Variants in LAMA3 observed in about 807,000 individuals in gnomAD.
The protein encoded by LAMA3 is laminin subunit alpha-3.
LAMA3 carries 281 observed loss-of-function variants against 402.0 expected under a neutral mutation model. The ratio of observed to expected loss-of-function variants is 0.70; its 90% CI spans 0.63 to 0.77. The LOEUF is 0.77. Ranked by LOEUF, LAMA3 falls within the 30% of genes least tolerant of loss-of-function variation. LAMA3 has a pLI of 0.00. For missense variants in LAMA3, 3,840 were observed against 4,215.5 expected (o/e 0.91, Z 2.47); for synonymous variants, 1,431 against 1,558.4 (o/e 0.92, Z 1.93).
intron 12 of LAMA3, among the ~76,000 whole-genome samples, chr18:23,810,036 A>T (rs2063037275): frequency 6.6e-6 from 1 of 152,216 alleles, no homozygotes; most frequent in South Asian, 2.1e-4. Flanking sequence ...AATCTTGCTG[A>T]ATATGAAATT....
intron 68 of LAMA3, among the ~76,000 whole-genome samples, chr18:23,940,470 C>A (rs999742784): frequency 6.6e-6 from 1 of 152,186 alleles, no homozygotes; most frequent in African/African-American, 2.4e-5. Flanking sequence ...TGCCACATGC[C>A]GTTTAACTTC....
chr18:23,915,013 G>A (rs965576230), intron 58 of LAMA3, among the ~76,000 whole-genome samples, 153 bp downstream of exon 58: 2 of 152,148 alleles, frequency 1.3e-5, no homozygotes, highest in Non-Finnish European at 2.9e-5. Context: ...CACTTATTGA[G>A]TGCTTCCTCT....
At chr18:23,765,845 CAGAAAGGAGGTAATAGA>C (rs560677341) in intron 8 of LAMA3, among the ~76,000 whole-genome samples, 129 of 151,850 alleles carry the variant, frequency 8.5e-4, no homozygotes, top group African/African-American at 3.0e-3. Context: ...GGCCGAATAG[CAGAAAGGAGGTAATAGA>C]AGAAAGAGTC....
rs552219438 is a variant in LAMA3 at position 23,809,250 on chromosome 18, C to T, written c.1604-1116C>T. Reference sequence around the variant, plus strand: ...CAGTTTACAGAAGAGGAAACTGAGGCTTAAAGAAGCTAAGCAACTAGCCGT... The same window carrying T: ...CAGTTTACAGAAGAGGAAACTGAGGTTTAAAGAAGCTAAGCAACTAGCCGT... On this transcript the variant is annotated intron_variant, in intron 12 of 74. Transcript: ENST00000313654. Among the ~76,000 whole-genome samples, 5 of 152,266 alleles carry T rather than the reference C, an allele frequency of 3.3e-5. No individual in the cohort carries two copies. The South Asian group carries it at 8.3e-4, about 25-fold the overall frequency.
At chr18:23,706,484 C>A (rs2060891319) in intron 1 of LAMA3, among the ~76,000 whole-genome samples, 1 of 152,108 alleles carries the variant, frequency 6.6e-6, no homozygotes, top group Non-Finnish European at 1.5e-5. Flanking sequence ...AAACTTGGGT[C>A]TACTGAATAC....
intron 2 of LAMA3, among the ~76,000 whole-genome samples, chr18:23,734,821 A>C (rs928795703): frequency 6.6e-6 from 1 of 152,180 alleles, no homozygotes; most frequent in African/African-American, 2.4e-5. Flanking sequence ...AGAAAAGAAG[A>C]AGCCAGAAAT....
At chr18:23,812,031 G>T (rs1387255064) in intron 13 of LAMA3, among the ~76,000 whole-genome samples, 1 of 151,784 alleles carries the variant, frequency 6.6e-6, no homozygotes, top group African/African-American at 2.4e-5. Context: ...GTGCCACCAT[G>T]CCTAGCTAAT....
intron 14 of LAMA3, 49 bp from the exon 15 acceptor site, chr18:23,814,354 C>A: frequency 7.3e-7 from 1 of 1,364,712 alleles, no homozygotes; most frequent in Non-Finnish European, 1.0e-6. Context: ...GGTTTGAAAA[C>A]ATGTCTTAAT....
chr18:23,822,468 A>G, intron 20 of LAMA3, 93 bp downstream of exon 20: 1 of 1,367,730 alleles, frequency 7.3e-7, no homozygotes, highest in Non-Finnish European at 1.0e-6. Context: ...GATCACCCTT[A>G]GAAAATGTCA....
intron 17 of LAMA3, among the ~76,000 whole-genome samples, 158 bp downstream of exon 17, chr18:23,815,731 T>C (rs1415662456): frequency 1.3e-5 from 2 of 152,194 alleles, no homozygotes; most frequent in African/African-American, 2.4e-5. Context: ...TTGATTACAT[T>C]GAAACTAGTA....
rs533385970 is a variant in LAMA3 at position 23,820,877 on chromosome 18, C to T, written c.2304+880C>T. ...CCACAGTACTCTCAGACCCCTTCCC[C>T]TCATTGATTCTAATGCTGTTTTTTA... On this transcript the variant is annotated intron_variant, in intron 19 of 74. Coordinates refer to ENST00000313654, the MANE Select transcript of LAMA3 (RefSeq NM_198129.4). Among the ~76,000 whole-genome samples the T allele has an allele frequency of 1.5e-4, 23 of 152,276 alleles. No individual in the cohort carries two copies. The South Asian group carries it at 3.5e-3, about 23-fold the overall frequency.
chr18:23,709,600 C>T lies in LAMA3; in HGVS notation c.295-4320C>T, dbSNP rs575276614. Among the ~76,000 whole-genome samples, 14 of 151,990 alleles carry T rather than the reference C, an allele frequency of 9.2e-5. No homozygotes were observed. In the South Asian group the frequency reaches 2.7e-3, roughly 29 times the overall value. On this transcript the variant is annotated intron_variant, in intron 1 of 74. Coordinates refer to ENST00000313654, the MANE Select transcript of LAMA3 (RefSeq NM_198129.4). Reference sequence around the variant, plus strand: ...ATAAGACCTTTTATTTTGTGTATGACCATGAAGCAGTAAAGTTGGTATAAG... The same window carrying T: ...ATAAGACCTTTTATTTTGTGTATGATCATGAAGCAGTAAAGTTGGTATAAG...
chr18:23,928,294 C>A (rs1320732207), intron 63 of LAMA3, 54 bp downstream of exon 63: 11 of 1,133,230 alleles, frequency 9.7e-6, no homozygotes, highest in Non-Finnish European at 1.3e-5. Context: ...AACCCACCTT[C>A]CGTATCCATT....
intron 5 of LAMA3, among the ~76,000 whole-genome samples, chr18:23,751,635 A>C (rs746404281): frequency 5.9e-5 from 9 of 152,202 alleles, no homozygotes. Flanking sequence ...AGAACTGGTC[A>C]TATCATAGCC....
At chr18:23,744,250 T>C (rs2061610064) in intron 2 of LAMA3, among the ~76,000 whole-genome samples, 1 of 152,078 alleles carries the variant, frequency 6.6e-6, no homozygotes, top group African/African-American at 2.4e-5. Flanking sequence ...GGGGTGGTGA[T>C]AAATAACACA....
intron 32 of LAMA3, among the ~76,000 whole-genome samples, chr18:23,849,845 A>C (rs746561211): frequency 2.6e-5 from 4 of 152,330 alleles, no homozygotes; most frequent in Non-Finnish European, 5.9e-5. Flanking sequence ...GAAAGGGACT[A>C]TAATAATCTA....
intron 34 of LAMA3, among the ~76,000 whole-genome samples, chr18:23,860,949 C>T (rs2064204668): frequency 6.6e-6 from 1 of 152,114 alleles, no homozygotes; most frequent in African/African-American, 2.4e-5. Context: ...ACCTCGGCCT[C>T]CCAAAGTGCT....
At chr18:23,766,684 C>T (rs138536131) in intron 8 of LAMA3, among the ~76,000 whole-genome samples, 8 of 152,030 alleles carry the variant, frequency 5.3e-5, no homozygotes, top group Non-Finnish European at 1.2e-4. Flanking sequence ...TTAAAACATA[C>T]AAAAATTAGC....
At chr18:23,745,134 GTAT>G (rs1403989792) in intron 2 of LAMA3, among the ~76,000 whole-genome samples, 2 of 152,030 alleles carry the variant, frequency 1.3e-5, no homozygotes, top group Non-Finnish European at 2.9e-5. Context: ...TAGGAGGAAA[GTAT>G]TATGATGTCT....
Sources: gnomAD v4.1 joint callset for allele counts (sites outside exome capture counted in the v4.1 genomes callset) on GRCh38, gnomAD v4.1.1 for gene constraint, MANE v1.5 for transcripts, NCBI Gene and HGNC (gene_info 2026-07-23, HGNC 2026-07-21) for gene names.